NRG1: variants seen among roughly 807,000 people sequenced by gnomAD.
NRG1 encodes the protein neuregulin 1, also known as pro-neuregulin-1, membrane-bound isoform.
In NRG1, 18 loss-of-function variants were observed where a neutral mutation model predicts 63.8. That is an observed-to-expected ratio of 0.28 (90% CI 0.19 to 0.42). The LOEUF (loss-of-function observed/expected upper bound fraction) is 0.42, where lower values mean the gene tolerates loss of function less well. Ranked by LOEUF, NRG1 falls within the 10% of genes least tolerant of loss-of-function variation. The pLI is 1.00. For missense variants in NRG1, 762 were observed against 814.7 expected (o/e 0.94, Z 0.79); for synonymous variants, 302 against 301.3 (o/e 1.00, Z -0.02).
chr8:32,158,660 A>T lies in NRG1; in HGVS notation c.38-437168A>T, dbSNP rs753454564. On this transcript the variant is annotated intron_variant, in intron 1 of 10. Coordinates refer to the NRG1 transcript ENST00000519301. Reference sequence around the variant, plus strand: ...CATACATACACACTATACTGAATGGATCTTCATAGAGAGTAAGTTAATAAG... The same window carrying T: ...CATACATACACACTATACTGAATGGTTCTTCATAGAGAGTAAGTTAATAAG... Among the ~76,000 whole-genome samples, 193 of 151,642 alleles carry T rather than the reference A, an allele frequency of 1.3e-3. 2 individuals carry two copies. Among genetic ancestry groups the T allele is most frequent in the South Asian group, 3.6e-3 (17 of 4,788 alleles).
Position 31,851,114 on chromosome 8 carries a change from G to T in NRG1, c.37+211683G>T, listed in dbSNP as rs533815515. Among the ~76,000 whole-genome samples the T allele has an allele frequency of 1.1e-4, 17 of 152,318 alleles. No individual in the cohort carries two copies. The East Asian group carries it at 3.1e-3, about 28-fold the overall frequency. ...AGATAGGACATCTGTGGAGATTAAA[G>T]TTCTCAGAGTTAGTAGTCTCATTGC... is the stretch of plus-strand genomic sequence containing the variant. On this transcript the variant is annotated intron_variant, in intron 1 of 10. Transcript: ENST00000519301.
chr8:32,200,370 C>T (rs549165209), intron 1 of NRG1, among the ~76,000 whole-genome samples: 3 of 152,242 alleles, frequency 2.0e-5, no homozygotes, highest in East Asian at 1.9e-4. Context: ...TCATAGAGCA[C>T]GTTGTTCTCC....
chr8:31,695,778 A>G (rs1225332392), intron 1 of NRG1, among the ~76,000 whole-genome samples: 1 of 152,196 alleles, frequency 6.6e-6, no homozygotes, highest in Non-Finnish European at 1.5e-5. Flanking sequence ...AGTTGATTTT[A>G]TAGTTTGAGC....
chr8:32,489,289 G>C (rs960873068), intron 1 of NRG1, among the ~76,000 whole-genome samples: 1 of 152,176 alleles, frequency 6.6e-6, no homozygotes, highest in Non-Finnish European at 1.5e-5. Flanking sequence ...TCATGTACCA[G>C]TTAAACTCTG....
intron 1 of NRG1, among the ~76,000 whole-genome samples, chr8:32,429,691 G>T (rs1817885955): frequency 6.6e-6 from 1 of 151,918 alleles, no homozygotes; most frequent in Non-Finnish European, 1.5e-5. Context: ...CCGTAAACTG[G>T]CAATAAAAGA....
At chr8:32,464,025 T>G (rs978893980) in intron 1 of NRG1, among the ~76,000 whole-genome samples, 2 of 150,920 alleles carry the variant, frequency 1.3e-5, no homozygotes, top group Middle Eastern at 3.2e-3. Flanking sequence ...CCCGAGTAGC[T>G]GGGATTACAG....
At chr8:32,373,731 T>C (rs1288173206) in intron 1 of NRG1, among the ~76,000 whole-genome samples, 1 of 152,066 alleles carries the variant, frequency 6.6e-6, no homozygotes, top group African/African-American at 2.4e-5. Flanking sequence ...TGAGCCAAGA[T>C]TGCACCACTG....
chr8:31,931,583 C>T (rs539684551), intron 1 of NRG1, among the ~76,000 whole-genome samples: 20 of 152,172 alleles, frequency 1.3e-4, no homozygotes, highest in African/African-American at 3.6e-4. Context: ...GTGTCTAGAA[C>T]GTATTATGTA....
At chr8:32,049,656 C>G (rs956789724) in intron 1 of NRG1, among the ~76,000 whole-genome samples, 3 of 151,994 alleles carry the variant, frequency 2.0e-5, no homozygotes, top group African/African-American at 7.2e-5. Flanking sequence ...ATATTGTTTT[C>G]TTTAAAAGGA....
intron 1 of NRG1, among the ~76,000 whole-genome samples, chr8:32,408,439 C>G (rs1398894635): frequency 6.6e-6 from 1 of 152,116 alleles, no homozygotes; most frequent in East Asian, 1.9e-4. Flanking sequence ...AGCCATTCCT[C>G]AGCATATGGG....
intron 1 of NRG1, among the ~76,000 whole-genome samples, chr8:31,772,470 G>A (rs1037770609): frequency 6.6e-6 from 1 of 152,118 alleles, no homozygotes; most frequent in African/African-American, 2.4e-5. Context: ...TTTTCCTTCG[G>A]ATTTTCTCAA....
At chr8:32,364,957 C>CTTTTTTTTTTTTTTTTTTTTTTT in intron 1 of NRG1, among the ~76,000 whole-genome samples, 1 of 108,442 alleles carries the variant, frequency 9.2e-6, no homozygotes, top group Non-Finnish European at 1.8e-5. Flanking sequence ...CCCTTTACTA[C>CTTTTTTTTTTTTTTTTTTTTTTT]TTTTTTTTTT....
chr8:31,916,439 G>A (rs1367407022), intron 1 of NRG1, among the ~76,000 whole-genome samples: 1 of 152,090 alleles, frequency 6.6e-6, no homozygotes, highest in East Asian at 1.9e-4. Context: ...CCACCTATGA[G>A]TGAGAATATG....
chr8:32,403,651 G>T (rs1383813518), intron 1 of NRG1, among the ~76,000 whole-genome samples: 1 of 152,092 alleles, frequency 6.6e-6, no homozygotes, highest in Admixed American at 6.6e-5. Flanking sequence ...CATTTTTTGA[G>T]ATATAGATAG....
At chr8:32,024,406 G>T (rs1402415028) in intron 1 of NRG1, among the ~76,000 whole-genome samples, 1 of 152,212 alleles carries the variant, frequency 6.6e-6, no homozygotes, top group Non-Finnish European at 1.5e-5. Context: ...GCATGCAAAG[G>T]GGAGCGGAAG....
rs546174492 is a variant in NRG1, at chr8:32,445,727, C to G, written c.38-150101C>G. 1.2e-4 allele frequency among the ~76,000 whole-genome samples: 19 copies of G among 152,228 alleles called. No homozygotes were observed. In the South Asian group the frequency reaches 3.5e-3, roughly 28 times the overall value. ...TTCTTATGACAGCCAGAATTGTCATCTATTAAGATTAAGTAAGGAAGGCAT... is the reference window on the plus strand; with the variant it reads ...TTCTTATGACAGCCAGAATTGTCATGTATTAAGATTAAGTAAGGAAGGCAT... On this transcript the variant is annotated intron_variant, in intron 1 of 10. Coordinates refer to the NRG1 transcript ENST00000519301.
chr8:32,543,652 GATAA>G (rs1832784887), upstream of NRG1, among the ~76,000 whole-genome samples: 1 of 152,010 alleles, frequency 6.6e-6, no homozygotes, highest in African/African-American at 2.4e-5. Flanking sequence ...TAATAGTAAT[GATAA>G]ATAATAGTAA....
At chr8:32,211,277 T>C (rs1844680310) in intron 1 of NRG1, among the ~76,000 whole-genome samples, 1 of 152,204 alleles carries the variant, frequency 6.6e-6, no homozygotes, top group South Asian at 2.1e-4. Flanking sequence ...ATGCAAGTCA[T>C]GTCATAGCAT....
intron 1 of NRG1, among the ~76,000 whole-genome samples, chr8:32,513,770 C>G (rs1327669096): frequency 6.6e-6 from 1 of 152,042 alleles, no homozygotes; most frequent in African/African-American, 2.4e-5. Flanking sequence ...AATAATCTGG[C>G]TGATCTTTGA....
Sources: gnomAD v4.1 joint callset for allele counts (sites outside exome capture counted in the v4.1 genomes callset) on GRCh38, gnomAD v4.1.1 for gene constraint, MANE v1.5 for transcripts, NCBI Gene and HGNC (gene_info 2026-07-23, HGNC 2026-07-21) for gene names.